Variants in CDH8 observed in about 807,000 individuals in gnomAD.
CDH8 encodes the protein cadherin 8.
In CDH8, 17 loss-of-function variants were observed where a neutral mutation model predicts 68.1. That is an observed-to-expected ratio of 0.25 (90% CI 0.17 to 0.37). The LOEUF is 0.37. Among genes scored for constraint, CDH8 ranks in the 10% least tolerant of loss-of-function variants. The pLI, the probability that CDH8 is intolerant of heterozygous loss-of-function variation, is 1.00. For missense variants in CDH8, 763 were observed against 999.3 expected, an observed-to-expected ratio of 0.76 and a Z score of 3.19; for synonymous variants, 372 against 365.1, an observed-to-expected ratio of 1.02 and a Z score of -0.21.
intron 4 of CDH8, among the ~76,000 whole-genome samples, chr16:61,846,404 G>C (rs2143010308): frequency 6.6e-6 from 1 of 152,072 alleles, no homozygotes; most frequent in African/African-American, 2.4e-5. Flanking sequence ...CACACATTTT[G>C]TCCCTGATAG....
intron 10 of CDH8, among the ~76,000 whole-genome samples, chr16:61,663,455 A>T (rs1686981031): frequency 6.6e-6 from 1 of 151,984 alleles, no homozygotes; most frequent in Admixed American, 6.6e-5. Context: ...AAAAAAATAG[A>T]TACTGTTAAA....
At chr16:61,970,549 G>A (rs1965321037) in intron 2 of CDH8, among the ~76,000 whole-genome samples, 1 of 152,152 alleles carries the variant, frequency 6.6e-6, no homozygotes, top group Non-Finnish European at 1.5e-5. Flanking sequence ...AAAGAAAAAT[G>A]AGGAACTCTG....
At chr16:61,677,930 G>C (rs1963945025) in intron 10 of CDH8, among the ~76,000 whole-genome samples, 1 of 151,950 alleles carries the variant, frequency 6.6e-6, no homozygotes, top group Non-Finnish European at 1.5e-5. Flanking sequence ...CGTCAACACA[G>C]ACCTTAAGTC....
At chr16:61,926,467 C>A (rs1182771865) in intron 2 of CDH8, among the ~76,000 whole-genome samples, 2 of 152,058 alleles carry the variant, frequency 1.3e-5, no homozygotes, top group African/African-American at 2.4e-5. Flanking sequence ...TGATCTGTGT[C>A]CTTGTTAGCT....
intron 3 of CDH8, among the ~76,000 whole-genome samples, chr16:61,894,667 T>A (rs893715768): frequency 6.6e-6 from 1 of 152,170 alleles, no homozygotes; most frequent in African/African-American, 2.4e-5. Flanking sequence ...GTATGTGTTT[T>A]CTATGAGCAT....
chr16:61,814,440 A>G (rs1401391036), intron 7 of CDH8, among the ~76,000 whole-genome samples: 1 of 152,150 alleles, frequency 6.6e-6, no homozygotes, highest in Non-Finnish European at 1.5e-5. Flanking sequence ...ACAGATAGAG[A>G]TATAGTAGTA....
chr16:61,761,282 C>T (rs1443304247), intron 8 of CDH8, among the ~76,000 whole-genome samples: 4 of 152,086 alleles, frequency 2.6e-5, no homozygotes, highest in Admixed American at 2.6e-4. Flanking sequence ...AACTTTTCTG[C>T]AAGTTATAAA....
At chr16:61,754,829 T>A (rs1960269938) in intron 8 of CDH8, among the ~76,000 whole-genome samples, 1 of 152,246 alleles carries the variant, frequency 6.6e-6, no homozygotes, top group South Asian at 2.1e-4. Flanking sequence ...GTATATTGTA[T>A]GATGTGATGC....
chr16:61,881,847 C>T (rs369270980), intron 3 of CDH8, among the ~76,000 whole-genome samples: 1 of 152,112 alleles, frequency 6.6e-6, no homozygotes, highest in African/African-American at 2.4e-5. Flanking sequence ...TAACTTTGAA[C>T]GCTTCAAGGA....
intron 3 of CDH8, among the ~76,000 whole-genome samples, chr16:61,870,582 T>A (rs769744442): frequency 6.6e-6 from 1 of 152,164 alleles, no homozygotes; most frequent in Non-Finnish European, 1.5e-5. Flanking sequence ...TTCAGAGGTA[T>A]AGATTTCCCC....
At chr16:61,871,911 C>T (rs1963377566) in intron 3 of CDH8, among the ~76,000 whole-genome samples, 1 of 138,130 alleles carries the variant, frequency 7.2e-6, no homozygotes, top group Non-Finnish European at 1.5e-5. Context: ...TATTTTGAAA[C>T]CATCAAACAA....
chr16:62,028,110 G>A (rs1902238570), intron 1 of CDH8, among the ~76,000 whole-genome samples: 1 of 147,584 alleles, frequency 6.8e-6, no homozygotes, highest in South Asian at 2.2e-4. Flanking sequence ...TGTTGCCCAG[G>A]CTGGAGGGCA....
chr16:61,843,113 T>G (rs1251522697), intron 4 of CDH8, among the ~76,000 whole-genome samples: 7 of 152,162 alleles, frequency 4.6e-5, no homozygotes, highest in Non-Finnish European at 7.3e-5. Context: ...GGTCCTATAC[T>G]TTATACTTCA....
At chr16:61,880,971 T>C (rs931936902) in intron 3 of CDH8, among the ~76,000 whole-genome samples, 9 of 148,252 alleles carry the variant, frequency 6.1e-5, no homozygotes, top group African/African-American at 2.2e-4. Context: ...CTCAACACAG[T>C]AAACAAAGGA....
chr16:61,820,314 G>GTTTTTTTTTTTTT (rs545670875), intron 6 of CDH8, among the ~76,000 whole-genome samples: 1 of 90,776 alleles, frequency 1.1e-5, no homozygotes, highest in Non-Finnish European at 2.1e-5. Context: ...TGCCTGTTTG[G>GTTTTTTTTTTTTT]TTTTTTTTTT....
At chr16:61,852,897 T>TCCTTCCTTCCTTCCTTC (rs149266274) in intron 4 of CDH8, among the ~76,000 whole-genome samples, 2 of 121,256 alleles carry the variant, frequency 1.6e-5, no homozygotes, top group African/African-American at 3.6e-5. Context: ...TTCCTTCCAT[T>TCCTTCCTTCCTTCCTTC]CTTCCTTCCT....
In CDH8 at chr16:61,662,319, C is replaced by T. The variant is rs967817859; in HGVS notation, c.1655-6598G>A. 1.9e-4 allele frequency among the ~76,000 whole-genome samples: 29 copies of T among 151,604 alleles called. 1 individual carries two copies. The highest frequency in any genetic ancestry group is 6.0e-4 in the African/African-American group (25 of 41,438). On this transcript the variant is annotated intron_variant, in intron 10 of 11. Transcript: ENST00000577390. ...GCCTGCCCTCTCCCCTTATAGCTTCCGCTTATTGTTTTTATTGCATTTGTT... is the reference window on the plus strand; with the variant it reads ...GCCTGCCCTCTCCCCTTATAGCTTCTGCTTATTGTTTTTATTGCATTTGTT...
At chr16:61,868,328 T>C (rs950543509) in intron 3 of CDH8, among the ~76,000 whole-genome samples, 1 of 152,214 alleles carries the variant, frequency 6.6e-6, no homozygotes, top group South Asian at 2.1e-4. Context: ...GGTAAATATA[T>C]AAATAAGAGA....
chr16:62,005,852 G>A (rs1965965838), intron 2 of CDH8, among the ~76,000 whole-genome samples: 1 of 152,072 alleles, frequency 6.6e-6, no homozygotes, highest in African/African-American at 2.4e-5. Flanking sequence ...GATTTAAAAG[G>A]GACCACATAA....
Sources: gnomAD v4.1 joint callset for allele counts (sites outside exome capture counted in the v4.1 genomes callset) on GRCh38, gnomAD v4.1.1 for gene constraint, MANE v1.5 for transcripts, NCBI Gene and HGNC (gene_info 2026-07-23, HGNC 2026-07-21) for gene names.